PARD3B: variants seen among roughly 807,000 people sequenced by gnomAD.
PARD3B encodes par-3 family cell polarity regulator beta.
A neutral mutation model predicts 130.2 loss-of-function variants in PARD3B; 103 were observed. The ratio of observed to expected loss-of-function variants is 0.79; its 90% CI spans 0.67 to 0.93. The LOEUF (loss-of-function observed/expected upper bound fraction) is 0.93, where lower values mean the gene tolerates loss of function less well. Among genes scored for constraint, PARD3B ranks in the 40% least tolerant of loss-of-function variants. The pLI, the probability that PARD3B is intolerant of heterozygous loss-of-function variation, is 0.00. For missense variants in PARD3B, 1,609 were observed against 1,499.2 expected, an observed-to-expected ratio of 1.07 and a Z score of -1.21; for synonymous variants, 583 against 553.2, an observed-to-expected ratio of 1.05 and a Z score of -0.76.
chr2:205,196,673 G>T (rs967849662), intron 15 of PARD3B, among the ~76,000 whole-genome samples: 1 of 152,066 alleles, frequency 6.6e-6, no homozygotes, highest in Non-Finnish European at 1.5e-5. Flanking sequence ...TGAGATGGAA[G>T]AATTTTCTCA....
At chr2:204,776,886 A>T (rs1484855386) in intron 2 of PARD3B, among the ~76,000 whole-genome samples, 2 of 151,818 alleles carry the variant, frequency 1.3e-5, no homozygotes, top group East Asian at 2.0e-4. Context: ...CAAGGAGAGG[A>T]TGGCATACAT....
chr2:205,293,421 G>C (rs1190523458), intron 16 of PARD3B: 3 of 152,108 alleles, frequency 2.0e-5, no homozygotes, highest in African/African-American at 7.2e-5. Context: ...TCACCGCAAT[G>C]GTCTGTGTTT....
intron 1 of PARD3B, among the ~76,000 whole-genome samples, chr2:204,607,213 C>T (rs1276679927): frequency 2.0e-5 from 3 of 151,996 alleles, no homozygotes; most frequent in Non-Finnish European, 4.4e-5. Context: ...GATGGTATCC[C>T]AAAGGAAATT....
chr2:205,342,459 T>C lies in PARD3B; in HGVS notation c.2630+40758T>C, dbSNP rs554956263. Reference sequence around the variant, plus strand: ...GTTGACATAAAATAGAGATTTCATTTCTTTGTTTTAAAATTACCTTGAATA... The same window carrying C: ...GTTGACATAAAATAGAGATTTCATTCCTTTGTTTTAAAATTACCTTGAATA... On this transcript the variant is annotated intron_variant, in intron 18 of 22. Transcript: ENST00000406610. Among the ~76,000 whole-genome samples, 3 of 152,318 alleles carry C rather than the reference T, an allele frequency of 2.0e-5. No homozygotes were observed. In the South Asian group the frequency reaches 6.2e-4, roughly 32 times the overall value.
intron 1 of PARD3B, among the ~76,000 whole-genome samples, chr2:204,684,009 A>G (rs1407566943): frequency 1.3e-5 from 2 of 152,132 alleles, no homozygotes; most frequent in Non-Finnish European, 2.9e-5. Flanking sequence ...CGGCAACCCC[A>G]TCTTGCTGCC....
intron 2 of PARD3B, among the ~76,000 whole-genome samples, chr2:204,880,810 A>G (rs1049152289): frequency 1.3e-5 from 2 of 152,166 alleles, no homozygotes; most frequent in Non-Finnish European, 2.9e-5. Flanking sequence ...ATAACCCTAT[A>G]GGGAGCCAGA....
chr2:205,238,822 A>G (rs1233795325), intron 15 of PARD3B, among the ~76,000 whole-genome samples: 1 of 133,124 alleles, frequency 7.5e-6, no homozygotes, highest in Non-Finnish European at 1.6e-5. Flanking sequence ...ACAAAAGCTA[A>G]AAAACTCCGT....
chr2:205,144,673 T>C (rs560305266), intron 10 of PARD3B, among the ~76,000 whole-genome samples: 80 of 152,304 alleles, frequency 5.3e-4, no homozygotes, highest in African/African-American at 1.8e-3. Context: ...GTTGTAGATA[T>C]GGTAAGAACT....
Position 205,037,118 on chromosome 2 carries a change from C to T in PARD3B, c.395-10463C>T, listed in dbSNP as rs1216192217. Among the ~76,000 whole-genome samples the T allele has an allele frequency of 4.1e-5, 5 of 122,712 alleles. No individual in the cohort carries two copies. In the Admixed American group the frequency reaches 4.1e-4, roughly 10 times the overall value. The allele number at this position is 122,712 out of a possible 152,430, so 80.5% of individuals were successfully genotyped here. On this transcript the variant is annotated intron_variant, in intron 3 of 22. Coordinates refer to ENST00000406610, the MANE Select transcript of PARD3B (RefSeq NM_001302769.2). The stretch of plus-strand genomic sequence containing the variant: ...TATATAGCGGACTGTATATATAAAA[C>T]AAATATACATATATAGCGGACTGTA...
chr2:204,931,044 A>G (rs1687990049), intron 2 of PARD3B, among the ~76,000 whole-genome samples: 2 of 152,138 alleles, frequency 1.3e-5, no homozygotes, highest in Non-Finnish European at 1.5e-5. Flanking sequence ...TTTGACTGAA[A>G]GCAGTTCCAT....
At chr2:204,894,888 GGAGA>G (rs1471933765) in intron 2 of PARD3B, among the ~76,000 whole-genome samples, 1 of 151,884 alleles carries the variant, frequency 6.6e-6, no homozygotes, top group Non-Finnish European at 1.5e-5. Flanking sequence ...GTCCATAAAA[GGAGA>G]GATTATCAAA....
intron 18 of PARD3B, among the ~76,000 whole-genome samples, chr2:205,337,894 A>G (rs2105797283): frequency 6.6e-6 from 1 of 152,280 alleles, no homozygotes; most frequent in Admixed American, 6.5e-5. Flanking sequence ...TCATGCCTGT[A>G]AGCCCAGCAG....
chr2:205,489,528 C>CACAT (rs2049598261), intron 20 of PARD3B, among the ~76,000 whole-genome samples: 1 of 28,972 alleles, frequency 3.5e-5, no homozygotes, highest in Non-Finnish European at 8.4e-5. Context: ...TATATACACA[C>CACAT]ATATATATGG....
chr2:205,417,040 A>G (rs889952882), intron 19 of PARD3B, among the ~76,000 whole-genome samples: 41 of 149,724 alleles, frequency 2.7e-4, no homozygotes, highest in African/African-American at 9.5e-4. Flanking sequence ...TTAACTCGTC[A>G]TTTACATTAG....
Position 205,125,612 on chromosome 2 carries a change from A to G in PARD3B, c.1309A>G (p.Asn437Asp). Reference sequence around the variant, plus strand: ...TTCATATGCTTTTATTCATTAGGTAAATGGGAGAGATGTCACCGGACGAAC... The same window carrying G: ...TTCATATGCTTTTATTCATTAGGTAGATGGGAGAGATGTCACCGGACGAAC... ...LQSGDRILEV[N>D]GRDVTGRTQE... The change falls in exon 10 of 23, where the codon AAT (asparagine) becomes GAT (aspartate). Residue 437 changes from asparagine to aspartate, a missense_variant. By Grantham distance (23) the Asn-to-Asp change is conservative. Transcript: ENST00000406610. The surrounding 1 kb of genome is among the most constrained non-coding windows in gnomAD (Gnocchi z 4.0). 1 of 1,613,914 alleles carries G rather than the reference A, an allele frequency of 6.2e-7. No individual in the cohort carries two copies. Among genetic ancestry groups the G allele is most frequent in the Non-Finnish European group, 8.5e-7 (1 of 1,179,912 alleles).
At chr2:204,855,551 A>C (rs2044895977) in intron 2 of PARD3B, among the ~76,000 whole-genome samples, 1 of 135,744 alleles carries the variant, frequency 7.4e-6, no homozygotes, top group South Asian at 2.2e-4. Context: ...AAAGAAAAAA[A>C]AATATATATA....
intron 3 of PARD3B, 35 bp from the exon 4 acceptor site, chr2:205,047,546 T>A: frequency 7.1e-7 from 1 of 1,404,600 alleles, no homozygotes; most frequent in South Asian, 1.2e-5. Context: ...ACCCCAGGGT[T>A]CTTTTGACCT....
intron 3 of PARD3B, among the ~76,000 whole-genome samples, chr2:204,971,192 T>A (rs748310384): frequency 3.3e-5 from 5 of 152,240 alleles, no homozygotes; most frequent in Non-Finnish European, 7.3e-5. Context: ...TTTATGGCGC[T>A]GATCTTCAGG....
chr2:205,385,258 C>G (rs958681610), intron 18 of PARD3B, among the ~76,000 whole-genome samples: 1 of 152,044 alleles, frequency 6.6e-6, no homozygotes, highest in South Asian at 2.1e-4. Context: ...ACACCACATG[C>G]CTTTCTTTCC....
Sources: gnomAD v4.1 joint callset for allele counts (sites outside exome capture counted in the v4.1 genomes callset) on GRCh38, gnomAD v4.1.1 for gene constraint, Gnocchi (gnomAD v3.1) non-coding constraint, MANE v1.5 for transcripts, NCBI Gene and HGNC (gene_info 2026-07-23, HGNC 2026-07-21) for gene names.